RICTOR: variants seen among roughly 807,000 people sequenced by gnomAD.
RICTOR encodes rapamycin-insensitive companion of mTOR.
RICTOR carries 49 observed loss-of-function variants against 214.9 expected under a neutral mutation model. The observed-to-expected ratio is 0.23, with a 90% confidence interval of 0.18 to 0.29. The LOEUF (loss-of-function observed/expected upper bound fraction) is 0.29. Among genes scored for constraint, RICTOR ranks in the 10% least tolerant of loss-of-function variants. The probability of loss-of-function intolerance (pLI) is 1.00; values close to 1 mark genes in which losing one functional copy is unlikely to be tolerated. For synonymous variants in RICTOR, 717 were observed against 711.3 expected, an observed-to-expected ratio of 1.01 and a Z score of -0.13; for missense variants, 1,625 against 2,047.0, an observed-to-expected ratio of 0.79 and a Z score of 3.98.
intron 2 of RICTOR, among the ~76,000 whole-genome samples, chr5:39,025,900 G>A (rs940748720): frequency 1.3e-5 from 2 of 152,004 alleles, no homozygotes; most frequent in East Asian, 1.9e-4. Flanking sequence ...CTTGGCTCTC[G>A]AGCTGCAGTC....
intron 2 of RICTOR, among the ~76,000 whole-genome samples, chr5:39,041,707 AT>A (rs1757182169): frequency 6.6e-6 from 1 of 152,102 alleles, no homozygotes; most frequent in African/African-American, 2.4e-5. Flanking sequence ...TTTGGGGGAA[AT>A]TTTCTACCAG....
intron 3 of RICTOR, among the ~76,000 whole-genome samples, chr5:39,014,340 T>C (rs1754774696): frequency 6.6e-6 from 1 of 152,094 alleles, no homozygotes. Flanking sequence ...CACATACACA[T>C]TTATAATTAT....
intron 25 of RICTOR, among the ~76,000 whole-genome samples, 186 bp downstream of exon 25, chr5:38,957,466 A>T (rs1052541916): frequency 7.9e-5 from 12 of 152,282 alleles, no homozygotes; most frequent in Non-Finnish European, 2.9e-5. Context: ...ACTGTAGTTT[A>T]AAAAAATGTA....
intron 7 of RICTOR, among the ~76,000 whole-genome samples, chr5:38,984,128 T>C (rs188633122): frequency 1.8e-4 from 27 of 152,282 alleles, no homozygotes; most frequent in African/African-American, 6.0e-4. Flanking sequence ...AATACTTCTA[T>C]AGCTTTTGAA....
At chr5:39,036,539 A>G (rs1756711352) in intron 2 of RICTOR, among the ~76,000 whole-genome samples, 1 of 152,248 alleles carries the variant, frequency 6.6e-6, no homozygotes, top group African/African-American at 2.4e-5. Flanking sequence ...ATAAAGTATC[A>G]AGACCCATCA....
rs72635279 is a variant in RICTOR, at chr5:39,060,016, C to T, written c.97+14095G>A. Among the ~76,000 whole-genome samples, 288 of 152,118 alleles carry T rather than the reference C, an allele frequency of 1.9e-3. 3 individuals are homozygous for T. In the East Asian group the frequency reaches 0.029, roughly 15 times the overall value. On this transcript the variant is annotated intron_variant, in intron 2 of 37. Transcript: ENST00000357387. ...CTGGGTACGACACCATGCTTTTAGT[C>T]AATACTAGACTGTCTTCATATCATG...
chr5:39,074,275 T>A lies in RICTOR; in HGVS notation c.49+54A>T, dbSNP rs567216925. 287 of 1,572,494 alleles carry A rather than the reference T, an allele frequency of 1.8e-4. 1 individual carries two copies. In the East Asian group the frequency reaches 5.9e-3, roughly 32 times the overall value. The stretch of plus-strand genomic sequence containing the variant: ...CAACCCAGGGCCAGGGGAAGGCAAG[T>A]GCCAGGGGTGGCGGGCGCCGGGCGG... On this transcript the variant is annotated intron_variant, in intron 1 of 37. Transcript: ENST00000357387.
intron 2 of RICTOR, among the ~76,000 whole-genome samples, chr5:39,059,737 T>G (rs866384445): frequency 3.9e-5 from 6 of 152,238 alleles, no homozygotes; most frequent in African/African-American, 1.4e-4. Flanking sequence ...TTCTATGATT[T>G]TTTTTCCAGC....
At chr5:38,966,761 T>A in intron 14 of RICTOR, 40 bp from the exon 15 acceptor site, 1 of 1,090,210 alleles carries the variant, frequency 9.2e-7, no homozygotes, top group East Asian at 2.4e-5. Context: ...TGCAAAATAA[T>A]ACATATGAAA....
chr5:38,976,080 T>A (rs915732594), intron 9 of RICTOR, among the ~76,000 whole-genome samples: 2 of 152,220 alleles, frequency 1.3e-5, no homozygotes, highest in African/African-American at 2.4e-5. Context: ...AACTACATAT[T>A]AACATCACCA....
rs1369812045 is a variant in RICTOR, at chr5:39,064,299, T to C, written c.97+9812A>G. On this transcript the variant is annotated intron_variant, in intron 2 of 37. Transcript: ENST00000357387. ...AAAAGCATTAACAGTCAACTTCAATTATTCATACAGATTAACAAATATTTT... is the reference window on the plus strand; with the variant it reads ...AAAAGCATTAACAGTCAACTTCAATCATTCATACAGATTAACAAATATTTT... Among the ~76,000 whole-genome samples the C allele has an allele frequency of 2.6e-5, 4 of 152,238 alleles. 1 individual carries two copies. The East Asian group carries it at 7.7e-4, about 29-fold the overall frequency.
In RICTOR at chr5:38,979,305, C is replaced by G. The variant is rs191031121; in HGVS notation, c.754-655G>C. On this transcript the variant is annotated intron_variant, in intron 8 of 37. Coordinates refer to ENST00000357387, the MANE Select transcript of RICTOR (RefSeq NM_152756.5). ...GCTGGGATTACCGGCTACTTTAGAACTACTATATTTTATTAACAACCTTCC... is the reference window on the plus strand; with the variant it reads ...GCTGGGATTACCGGCTACTTTAGAAGTACTATATTTTATTAACAACCTTCC... Among the ~76,000 whole-genome samples, 310 of 152,244 alleles carry G rather than the reference C, an allele frequency of 2.0e-3. 5 individuals are homozygous for G. Among genetic ancestry groups the G allele is most frequent in the Admixed American group, 0.015 (235 of 15,276 alleles).
intron 5 of RICTOR, among the ~76,000 whole-genome samples, chr5:38,999,841 C>A (rs974931584): frequency 3.3e-5 from 5 of 150,956 alleles, no homozygotes; most frequent in Admixed American, 1.3e-4. Flanking sequence ...TTGGTCAAAC[C>A]AGATATAAAA....
At position 38,968,005 on chromosome 5, in the gene RICTOR, T is replaced by G. The variant is rs756708931; in HGVS notation, c.998A>C (p.Asp333Ala). Reference sequence around the variant, plus strand: ...AACAGGTAGAGGAAGACGAAATATATCATAAAGCACTTCAAGTAGACCTCG... The same window carrying G: ...AACAGGTAGAGGAAGACGAAATATAGCATAAAGCACTTCAAGTAGACCTCG... ...IRRGLLEVLY[D>A]IFRLPLPVVT... Residue 333 changes from aspartate to alanine, a missense_variant, in exon 12 of 38, where the codon GAT (aspartate) becomes GCT (alanine). By Grantham distance (126) the Asp-to-Ala change is moderately radical. Coordinates refer to ENST00000357387, the MANE Select transcript of RICTOR (RefSeq NM_152756.5). 2.5e-6 allele frequency: 4 copies of G among 1,605,994 alleles called. No homozygotes were observed.
intron 24 of RICTOR, 150 bp downstream of exon 24, chr5:38,958,293 A>G (rs1749484549): frequency 3.2e-6 from 2 of 617,524 alleles, no homozygotes; most frequent in Middle Eastern, 4.5e-4. Context: ...TTAAAAAAAA[A>G]GAAAAACCCA....
At chr5:38,990,747 G>C (rs200373937) in intron 7 of RICTOR, among the ~76,000 whole-genome samples, 1 of 23,080 alleles carries the variant, frequency 4.3e-5, no homozygotes, top group Non-Finnish European at 9.1e-5. Flanking sequence ...ATATATATGA[G>C]ATATATGATA....
Position 38,945,548 on chromosome 5 carries a change from T to A in RICTOR, c.4576A>T (p.Ile1526Phe). The change falls in exon 34 of 38, where the codon ATT becomes TTT. Residue 1526 changes from isoleucine (I) to phenylalanine (F), a missense_variant. Transcript: ENST00000357387. ...CTGGGCTGGAAACCCAGAATTTCAATACAGACACAATAAAGGCAGTTATCA... is the reference window on the plus strand; with the variant it reads ...CTGGGCTGGAAACCCAGAATTTCAAAACAGACACAATAAAGGCAGTTATCA... Reference protein sequence around the residue: ...TDDNCLYCVCIEILGFQPSNQ... With the variant: ...TDDNCLYCVCFEILGFQPSNQ... The A allele has an allele frequency of 1.2e-6, 2 of 1,614,152 alleles. No homozygotes were observed. The highest frequency in any genetic ancestry group is 1.7e-6 in the Non-Finnish European group (2 of 1,179,988).
intron 2 of RICTOR, among the ~76,000 whole-genome samples, chr5:39,061,529 A>G (rs1225758064): frequency 6.6e-6 from 1 of 151,958 alleles, no homozygotes; most frequent in African/African-American, 2.4e-5. Context: ...ATATATGCAC[A>G]TACCTTTCCG....
intron 3 of RICTOR, among the ~76,000 whole-genome samples, chr5:39,004,617 G>A (rs1580073502): frequency 1.3e-5 from 2 of 151,636 alleles, no homozygotes; most frequent in South Asian, 2.1e-4. Context: ...CTGCCACCAC[G>A]CCCAGCTAAT....
Sources: gnomAD v4.1 joint callset for allele counts (sites outside exome capture counted in the v4.1 genomes callset) on GRCh38, gnomAD v4.1.1 for gene constraint, MANE v1.5 for transcripts, NCBI Gene and HGNC (gene_info 2026-07-23, HGNC 2026-07-21) for gene names.